KCNQ5: variants seen among roughly 807,000 people sequenced by gnomAD.
The protein encoded by KCNQ5 is potassium voltage-gated channel subfamily Q member 5, also known as potassium voltage-gated channel subfamily KQT member 5.
KCNQ5 carries 30 observed loss-of-function variants against 98.2 expected under a neutral mutation model. That is an observed-to-expected ratio of 0.31 (90% CI 0.23 to 0.41). The LOEUF is 0.41. KCNQ5 is among the 10% of genes least tolerant of loss of function. KCNQ5 has a pLI of 1.00. For synonymous variants in KCNQ5, 458 were observed against 449.4 expected (o/e 1.02, Z -0.24); for missense variants, 835 against 1,182.5 (o/e 0.71, Z 4.31).
At chr6:72,910,653 A>G (rs923803385) in intron 1 of KCNQ5, among the ~76,000 whole-genome samples, 12 of 150,558 alleles carry the variant, frequency 8.0e-5, no homozygotes, top group African/African-American at 2.2e-4. Flanking sequence ...CCCATACTTT[A>G]TCACTTCTTA....
At chr6:73,166,232 A>T (rs530703770) in intron 10 of KCNQ5, among the ~76,000 whole-genome samples, 26 of 152,140 alleles carry the variant, frequency 1.7e-4, no homozygotes, top group Admixed American at 4.6e-4. Context: ...GGAGATCGAG[A>T]CCATCCTGGC....
At chr6:72,910,073 T>A (rs941947722) in intron 1 of KCNQ5, among the ~76,000 whole-genome samples, 2 of 152,156 alleles carry the variant, frequency 1.3e-5, no homozygotes, top group Non-Finnish European at 2.9e-5. Context: ...CAAATGCAAC[T>A]CAGTTATTTT....
chr6:73,172,030 ATTC>A (rs138964440), intron 11 of KCNQ5, among the ~76,000 whole-genome samples: 8,312 of 152,250 alleles, frequency 0.055, 467 homozygotes, highest in African/African-American at 0.14. Context: ...TTACTTTGTT[ATTC>A]TTCTTGAAAC....
chr6:72,749,071 A>G (rs1378732561), intron 1 of KCNQ5, among the ~76,000 whole-genome samples: 1 of 152,126 alleles, frequency 6.6e-6, no homozygotes, highest in Non-Finnish European at 1.5e-5. Context: ...GATTCTGAAC[A>G]AACTCTAAAT....
Position 73,122,615 on chromosome 6 carries a change from G to A in KCNQ5, c.1221-1871G>A, listed in dbSNP as rs142879163. ...GAATGACACAGCAGTCACTGGTAAA[G>A]TTCATGGGAAACTAGATGTCCTAAC... On this transcript the variant is annotated intron_variant, in intron 8 of 13. Coordinates refer to ENST00000370398, the MANE Select transcript of KCNQ5 (RefSeq NM_019842.4). 2.6e-3 allele frequency among the ~76,000 whole-genome samples: 389 copies of A among 152,296 alleles called. 4 individuals carry two copies. The highest frequency in any genetic ancestry group is 7.6e-3 in the African/African-American group (317 of 41,560).
intron 12 of KCNQ5, among the ~76,000 whole-genome samples, chr6:73,191,777 T>C (rs1426356313): frequency 2.0e-5 from 3 of 152,210 alleles, no homozygotes; most frequent in African/African-American, 7.2e-5. Flanking sequence ...GTTTGCAGTT[T>C]AGTAAATTAG....
chr6:72,739,225 A>G (rs904525664), intron 1 of KCNQ5, among the ~76,000 whole-genome samples: 36 of 152,110 alleles, frequency 2.4e-4, no homozygotes, highest in African/African-American at 8.4e-4. Flanking sequence ...AATGAAGTTT[A>G]TTTTAAATAA....
chr6:72,688,353 A>C (rs1426697746), intron 1 of KCNQ5, among the ~76,000 whole-genome samples: 1 of 152,198 alleles, frequency 6.6e-6, no homozygotes, highest in Non-Finnish European at 1.5e-5. Flanking sequence ...GTCTAGACTA[A>C]GATCCAAGTT....
At chr6:73,012,044 T>C (rs1582187912) in intron 2 of KCNQ5, among the ~76,000 whole-genome samples, 1 of 152,106 alleles carries the variant, frequency 6.6e-6, no homozygotes, top group African/African-American at 2.4e-5. Context: ...ATAGCCACTA[T>C]GGAAAACAAT....
Position 73,007,312 on chromosome 6 carries a change from A to G in KCNQ5, c.489+3314A>G, listed in dbSNP as rs562901932. 8.5e-5 allele frequency among the ~76,000 whole-genome samples: 13 copies of G among 152,310 alleles called. No individual in the cohort carries two copies. In the South Asian group the frequency reaches 2.5e-3, roughly 29 times the overall value. ...TAGACTTAAGAATGTGATACAGACT[A>G]TAGTCGGGCTCCATGAATTCAAATT... On this transcript the variant is annotated intron_variant, in intron 2 of 13. Coordinates refer to ENST00000370398, the MANE Select transcript of KCNQ5 (RefSeq NM_019842.4).
chr6:72,658,084 A>G (rs1766286274), intron 1 of KCNQ5, among the ~76,000 whole-genome samples: 2 of 152,212 alleles, frequency 1.3e-5, no homozygotes, highest in Non-Finnish European at 2.9e-5. Flanking sequence ...AACTCTTGAA[A>G]TCCTTCCCTT....
intron 3 of KCNQ5, among the ~76,000 whole-genome samples, chr6:73,069,525 CA>C (rs552317821): frequency 1.1e-4 from 16 of 144,826 alleles, no homozygotes; most frequent in Admixed American, 2.1e-4. Flanking sequence ...ACTGAGGTTA[CA>C]AAAAAAAAAG....
chr6:72,729,081 G>A (rs1167245789), intron 1 of KCNQ5, among the ~76,000 whole-genome samples: 1 of 151,714 alleles, frequency 6.6e-6, no homozygotes, highest in African/African-American at 2.4e-5. Context: ...TTCCATATCA[G>A]TGCATTAAGA....
At chr6:72,971,786 A>G (rs777416903) in intron 1 of KCNQ5, among the ~76,000 whole-genome samples, 27 of 152,260 alleles carry the variant, frequency 1.8e-4, no homozygotes, top group Non-Finnish European at 3.8e-4. Context: ...GGAATTGAAC[A>G]ATGAGAACAC....
In KCNQ5 at chr6:73,194,676, C is replaced by T. The variant is rs758999586; in HGVS notation, c.2061C>T (p.Gly687=). The T allele has an allele frequency of 3.7e-6, 6 of 1,614,244 alleles. No individual in the cohort carries two copies. The South Asian group carries it at 4.4e-5, about 12-fold the overall frequency. The change falls in exon 14 of 14, where the codon GGC becomes GGT. Residue 687 remains glycine, a synonymous_variant. Transcript: ENST00000370398. ...CAACTAGTGCCAACATCTCGAGAGG[C>T]CTGCAGTTCATTCTGACGCCAAATG... is the stretch of plus-strand genomic sequence containing the variant. ...SRSTSANISR[G]LQFILTPNEF...
At chr6:72,686,395 T>C (rs1247409213) in intron 1 of KCNQ5, among the ~76,000 whole-genome samples, 1 of 152,202 alleles carries the variant, frequency 6.6e-6, no homozygotes, top group Non-Finnish European at 1.5e-5. Context: ...TGTTAATATA[T>C]GAGGCTGATG....
At chr6:72,882,055 G>T (rs1357781837) in intron 1 of KCNQ5, among the ~76,000 whole-genome samples, 2 of 152,054 alleles carry the variant, frequency 1.3e-5, no homozygotes, top group East Asian at 1.9e-4. Flanking sequence ...TTATTTTTAG[G>T]ATTTTTGATT....
intron 1 of KCNQ5, among the ~76,000 whole-genome samples, chr6:72,636,301 C>T (rs1406477005): frequency 6.6e-6 from 1 of 152,012 alleles, no homozygotes; most frequent in Non-Finnish European, 1.5e-5. Flanking sequence ...CTCAGTGAGC[C>T]AAGAATAGAT....
intron 5 of KCNQ5, among the ~76,000 whole-genome samples, chr6:73,088,287 C>T (rs1444583231): frequency 6.6e-6 from 1 of 152,114 alleles, no homozygotes; most frequent in Non-Finnish European, 1.5e-5. Flanking sequence ...TCCCAAAGTG[C>T]TGAGATTACA....
Sources: allele counts gnomAD v4.1 joint callset (sites outside exome capture counted in the v4.1 genomes callset), GRCh38; gene constraint gnomAD v4.1.1; transcripts MANE v1.5; gene names NCBI Gene and HGNC (gene_info 2026-07-23, HGNC 2026-07-21).